Variants in ADRA1B observed in about 807,000 individuals in gnomAD.
ADRA1B encodes alpha-1B adrenergic receptor.
ADRA1B carries 17 observed loss-of-function variants against 17.9 expected under a neutral mutation model. That is an observed-to-expected ratio of 0.95 (90% CI 0.65 to 1.42). The LOEUF (loss-of-function observed/expected upper bound fraction) is 1.42. Ranked by LOEUF, ADRA1B falls within the 40% of genes most tolerant of loss-of-function variation. The pLI, the probability that ADRA1B is intolerant of heterozygous loss-of-function variation, is 0.00. For missense variants in ADRA1B, 681 were observed against 722.1 expected, an observed-to-expected ratio of 0.94 and a Z score of 0.65; for synonymous variants, 366 against 327.6, an observed-to-expected ratio of 1.12 and a Z score of -1.27.
chr5:159,980,120 C>G, the ADRA1B span, among the ~76,000 whole-genome samples: 1 of 151,978 alleles, frequency 6.6e-6, no homozygotes, highest in African/African-American at 2.4e-5. Flanking sequence ...GGACTCCAGG[C>G]TAGGAGGGTG....
the ADRA1B span, among the ~76,000 whole-genome samples, chr5:159,978,163 G>A: frequency 6.6e-6 from 1 of 152,134 alleles, no homozygotes; most frequent in Non-Finnish European, 1.5e-5. Context: ...TTCCATGAGA[G>A]TGGGGATATT....
At position 159,972,468 on chromosome 5, in the gene ADRA1B, G is replaced by A. The variant is rs1376448867; in HGVS notation, c.1539G>A (p.Met513Ile). The A allele has an allele frequency of 1.4e-6, 2 of 1,422,752 alleles. No individual in the cohort carries two copies. Among genetic ancestry groups the A allele is most frequent in the Admixed American group, 2.4e-5 (1 of 41,718 alleles). The allele number at this position is 1,422,752 out of a possible 1,614,324, so 88.1% of individuals were successfully genotyped here. ...ANGQPGFKSNMPLAPGQF is the reference protein window; with the variant it reads ...ANGQPGFKSNIPLAPGQF ...GGCAGCCGGGCTTCAAAAGCAACATGCCCCTGGCGCCCGGGCAGTTTTAGG... is the reference window on the plus strand; with the variant it reads ...GGCAGCCGGGCTTCAAAAGCAACATACCCCTGGCGCCCGGGCAGTTTTAGG... Residue 513 changes from methionine (M) to isoleucine (I), a missense_variant, in exon 2 of 2, where the codon ATG (methionine) becomes ATA (isoleucine). Met to Ile is a conservative substitution (Grantham distance 10). Transcript: ENST00000306675.
intron 1 of ADRA1B, chr5:159,868,065 T>G (rs1325466065): frequency 1.3e-5 from 2 of 152,196 alleles, no homozygotes; most frequent in African/African-American, 4.8e-5. Context: ...TACCATGTAA[T>G]TTTAGGAAGA....
intron 1 of ADRA1B, among the ~76,000 whole-genome samples, chr5:159,905,453 T>G (rs1174125246): frequency 2.6e-5 from 4 of 152,242 alleles, no homozygotes; most frequent in African/African-American, 9.6e-5. Context: ...TCACAAATAC[T>G]GCTTTATTTT....
intron 1 of ADRA1B, among the ~76,000 whole-genome samples, chr5:159,965,792 G>A (rs1217877782): frequency 6.6e-6 from 1 of 152,122 alleles, no homozygotes; most frequent in African/African-American, 2.4e-5. Context: ...AGCAGGGATG[G>A]GCAAGGCTTT....
At chr5:159,937,447 GTT>G (rs60153715) in intron 1 of ADRA1B, among the ~76,000 whole-genome samples, 2 of 145,910 alleles carry the variant, frequency 1.4e-5, no homozygotes, top group African/African-American at 2.5e-5. Context: ...TTGTTTTTTT[GTT>G]TTTTTTTTTT....
chr5:159,895,927 G>A (rs1037014006), intron 1 of ADRA1B, among the ~76,000 whole-genome samples: 22 of 152,128 alleles, frequency 1.4e-4, no homozygotes, highest in African/African-American at 4.8e-4. Flanking sequence ...TGCTCCCAGC[G>A]GACTATAGGG....
At chr5:159,897,587 C>T (rs1178140778) in intron 1 of ADRA1B, among the ~76,000 whole-genome samples, 6 of 152,122 alleles carry the variant, frequency 3.9e-5, no homozygotes, top group Admixed American at 3.9e-4. Flanking sequence ...CCTCCAATGG[C>T]TTTCCAAGGT....
Position 159,950,109 on chromosome 5 carries a change from AG to A in ADRA1B, c.950-21769del, listed in dbSNP as rs544527192. Among the ~76,000 whole-genome samples the A allele has an allele frequency of 6.0e-4, 91 of 152,334 alleles. 2 individuals carry two copies. In the Middle Eastern group the frequency reaches 0.014, roughly 23 times the overall value. On this transcript the variant is annotated intron_variant, in intron 1 of 1. Coordinates refer to ENST00000306675, the MANE Select transcript of ADRA1B (RefSeq NM_000679.4). ...ACGTGCTCCCTGGGAGGAATGGGGC[AG>A]TTTTTTGTAATGATCCATCAGGGAA...
chr5:159,988,314 G>A, the ADRA1B span, among the ~76,000 whole-genome samples: 4 of 152,332 alleles, frequency 2.6e-5, no homozygotes, highest in South Asian at 8.3e-4. Context: ...GAATCCCACT[G>A]CTGACACCTT....
At position 159,962,603 on chromosome 5, in the gene ADRA1B, G is replaced by A. The variant is rs114268536; in HGVS notation, c.950-9276G>A. Among the ~76,000 whole-genome samples the A allele has an allele frequency of 1.6e-3, 249 of 151,866 alleles. 1 individual carries two copies. Among genetic ancestry groups the A allele is most frequent in the African/African-American group, 5.1e-3 (213 of 41,420 alleles). The stretch of plus-strand genomic sequence containing the variant: ...GTTGTCAGGATTAAATGAAACAGGA[G>A]CTAAAAAAGTTGGCGGCACATAACA... On this transcript the variant is annotated intron_variant, in intron 1 of 1. Coordinates refer to ENST00000306675, the MANE Select transcript of ADRA1B (RefSeq NM_000679.4).
chr5:159,870,851 T>A (rs1452404852), intron 1 of ADRA1B: 3 of 152,196 alleles, frequency 2.0e-5, no homozygotes, highest in African/African-American at 7.2e-5. Flanking sequence ...AATGACACTG[T>A]CTCTCAAGAA....
intron 1 of ADRA1B, among the ~76,000 whole-genome samples, chr5:159,927,521 A>T (rs1754693724): frequency 6.6e-6 from 1 of 152,228 alleles, no homozygotes; most frequent in African/African-American, 2.4e-5. Flanking sequence ...CACCAAAAAT[A>T]CAGGTGCCCC....
At chr5:159,896,952 A>T (rs963306450) in intron 1 of ADRA1B, among the ~76,000 whole-genome samples, 7 of 152,168 alleles carry the variant, frequency 4.6e-5, no homozygotes, top group African/African-American at 1.7e-4. Flanking sequence ...GTCTCAAATA[A>T]TTATTCATAT....
At chr5:159,930,792 A>G (rs1488302138) in intron 1 of ADRA1B, among the ~76,000 whole-genome samples, 5 of 152,016 alleles carry the variant, frequency 3.3e-5, no homozygotes, top group East Asian at 3.9e-4. Flanking sequence ...ATTATTTCAC[A>G]TGGTGCAATA....
At chr5:159,896,097 C>T (rs1233401830) in intron 1 of ADRA1B, among the ~76,000 whole-genome samples, 1 of 152,178 alleles carries the variant, frequency 6.6e-6, no homozygotes, top group Non-Finnish European at 1.5e-5. Flanking sequence ...TCCCCAGGAC[C>T]TAGCACAGTG....
At chr5:159,908,238 G>A (rs1173038564) in intron 1 of ADRA1B, among the ~76,000 whole-genome samples, 8 of 152,156 alleles carry the variant, frequency 5.3e-5, no homozygotes, top group African/African-American at 1.9e-4. Context: ...TCCCATTTCT[G>A]AGTAATTTTG....
At chr5:159,979,733 T>C in the ADRA1B span, among the ~76,000 whole-genome samples, 1 of 151,980 alleles carries the variant, frequency 6.6e-6, no homozygotes, top group Non-Finnish European at 1.5e-5. Flanking sequence ...CTAGGCGTGG[T>C]GGCACCTGCC....
chr5:159,955,032 A>G (rs1755525328), intron 1 of ADRA1B: 1 of 566,332 alleles, frequency 1.8e-6, no homozygotes, highest in Non-Finnish European at 2.2e-6. Flanking sequence ...TCTTGCTGGA[A>G]CCTGGAGAAT....
Sources: allele counts gnomAD v4.1 joint callset (sites outside exome capture counted in the v4.1 genomes callset), GRCh38; gene constraint gnomAD v4.1.1; transcripts MANE v1.5; gene names NCBI Gene and HGNC (gene_info 2026-07-23, HGNC 2026-07-21).